Variants in CNTN6 observed in about 807,000 individuals in gnomAD.
The protein encoded by CNTN6 is contactin-6.
CNTN6 carries 137 observed loss-of-function variants against 122.8 expected under a neutral mutation model. The ratio of observed to expected loss-of-function variants is 1.12; its 90% CI spans 0.97 to 1.29. The LOEUF is 1.29. Among genes scored for constraint, CNTN6 ranks in the 50% most tolerant of loss-of-function variants. The pLI, the probability that CNTN6 is intolerant of heterozygous loss-of-function variation, is 0.00. For missense variants in CNTN6, 1,634 were observed against 1,223.4 expected, an observed-to-expected ratio of 1.34 and a Z score of -5.01; for synonymous variants, 570 against 426.0, an observed-to-expected ratio of 1.34 and a Z score of -4.16.
In CNTN6 at chr3:1,297,902, A is replaced by G. The variant is rs771624221; in HGVS notation, c.672A>G (p.Glu224=). The G allele has an allele frequency of 1.9e-6, 3 of 1,611,694 alleles. No homozygotes were observed. Among genetic ancestry groups the G allele is most frequent in the African/African-American group, 2.7e-5 (2 of 74,856 alleles). Residue 224 remains glutamate (E), a synonymous_variant, in exon 7 of 23, where the codon GAA becomes GAG. Transcript: ENST00000446702. ...GATATTTAACAGGTGTGATGGGGGA[A>G]TATGAACCAAAGATTGAAGTGCGTT... is the stretch of plus-strand genomic sequence containing the variant. ...LVQRTDGVMG[E]YEPKIEVRFP... is the part of the protein sequence containing the mutation.
At chr3:1,401,401 A>G (rs1486315592) in intron 20 of CNTN6, 32 bp from the exon 21 acceptor site, 2 of 1,554,232 alleles carry the variant, frequency 1.3e-6, no homozygotes, top group African/African-American at 1.4e-5. Flanking sequence ...GCTAATTAAC[A>G]TTCATTTGGA....
intron 1 of CNTN6, among the ~76,000 whole-genome samples, chr3:1,138,982 G>T (rs1425098928): frequency 6.6e-6 from 1 of 151,982 alleles, no homozygotes; most frequent in East Asian, 1.9e-4. Flanking sequence ...ATATTCAGTA[G>T]GATTGGGCTG....
rs766906812 is a variant in CNTN6, at chr3:1,383,212, C to T, written c.2401+36C>T. 2.3e-5 allele frequency: 36 copies of T among 1,593,674 alleles called. No homozygotes were observed. The Admixed American group carries it at 2.3e-4, about 10-fold the overall frequency. On this transcript the variant is annotated intron_variant, in intron 18 of 22. Coordinates refer to ENST00000446702, the MANE Select transcript of CNTN6 (RefSeq NM_001289080.2). ...CTCAACTCTGGTTTTCTTTGAGACT[C>T]TATGCATAGTTTGTGTTCCCTTGTT...
chr3:1,216,097 A>T (rs993983270), intron 2 of CNTN6, among the ~76,000 whole-genome samples: 2 of 151,984 alleles, frequency 1.3e-5, no homozygotes, highest in African/African-American at 4.8e-5. Context: ...TGGGCATGAC[A>T]TTATTAATTG....
chr3:1,220,909 T>A (rs537358157), intron 3 of CNTN6, 96 bp downstream of exon 3: 3 of 1,331,430 alleles, frequency 2.3e-6, no homozygotes, highest in African/African-American at 2.9e-5. Flanking sequence ...TCCTAATTTG[T>A]AGTGTACAGC....
intron 20 of CNTN6, among the ~76,000 whole-genome samples, chr3:1,390,721 G>T (rs938144357): frequency 6.6e-6 from 1 of 151,800 alleles, no homozygotes; most frequent in Non-Finnish European, 1.5e-5. Context: ...TGATAAAGGG[G>T]ATATCACCAC....
chr3:1,327,288 A>G (rs1158097103), intron 9 of CNTN6, among the ~76,000 whole-genome samples, 169 bp from the exon 10 acceptor site: 1 of 151,886 alleles, frequency 6.6e-6, no homozygotes, highest in Non-Finnish European at 1.5e-5. Context: ...TATCCTAAAC[A>G]TATTTTCGTT....
At chr3:1,137,172 C>T (rs887801288) in intron 1 of CNTN6, among the ~76,000 whole-genome samples, 21 of 152,098 alleles carry the variant, frequency 1.4e-4, no homozygotes, top group African/African-American at 5.1e-4. Context: ...CGATGCCTTC[C>T]AAGACTGGGC....
chr3:1,235,472 A>T (rs1575350901), intron 4 of CNTN6, among the ~76,000 whole-genome samples: 1 of 151,224 alleles, frequency 6.6e-6, no homozygotes, highest in Non-Finnish European at 1.5e-5. Flanking sequence ...ATACATATAA[A>T]GAGCATTTAT....
intron 5 of CNTN6, 150 bp downstream of exon 5, chr3:1,278,658 A>C (rs982350942): frequency 2.0e-6 from 1 of 491,818 alleles, no homozygotes; most frequent in Non-Finnish European, 3.6e-6. Flanking sequence ...AAATAGTTCT[A>C]TATCTAAACA....
At chr3:1,188,740 A>T (rs6442271) in intron 2 of CNTN6, among the ~76,000 whole-genome samples, 1 of 152,194 alleles carries the variant, frequency 6.6e-6, no homozygotes, top group Non-Finnish European at 1.5e-5. Flanking sequence ...ATAGGAAAAG[A>T]GAACTTGGCT....
chr3:1,169,489 T>G (rs2125286925), intron 2 of CNTN6, among the ~76,000 whole-genome samples: 1 of 152,338 alleles, frequency 6.6e-6, no homozygotes, highest in South Asian at 2.1e-4. Context: ...CAGATAATGA[T>G]GAGAATTATT....
chr3:1,255,428 AGAAAGAAAG>A (rs2094739832), intron 4 of CNTN6, among the ~76,000 whole-genome samples: 2 of 132,076 alleles, frequency 1.5e-5, no homozygotes, highest in African/African-American at 5.2e-5. Context: ...AAAAAAAAAA[AGAAAGAAAG>A]AAAGAAAGAA....
chr3:1,245,435 G>A (rs1317131417), intron 4 of CNTN6, among the ~76,000 whole-genome samples: 1 of 144,352 alleles, frequency 6.9e-6, no homozygotes, highest in Non-Finnish European at 1.5e-5. Context: ...AGTAACTCAG[G>A]AATGGAAAAT....
In CNTN6 at chr3:1,227,872, G is replaced by T; in HGVS notation, c.237G>T (p.Leu79Phe). Residue 79 changes from leucine to phenylalanine, a missense_variant, in exon 4 of 23, where the codon TTG becomes TTT. Coordinates refer to ENST00000446702, the MANE Select transcript of CNTN6 (RefSeq NM_001289080.2). ...IDFTMSYHYRLDGGSLAINSP... is the reference protein window; with the variant it reads ...IDFTMSYHYRFDGGSLAINSP... ...TTACTATGAGTTATCACTACAGGTT[G>T]GATGGAGGCAGTCTTGCAATCAATA... 1 of 1,613,960 alleles carries T rather than the reference G, an allele frequency of 6.2e-7. No homozygotes were observed. Among genetic ancestry groups the T allele is most frequent in the East Asian group, 2.2e-5 (1 of 44,844 alleles).
chr3:1,139,628 A>G (rs1459721996), intron 1 of CNTN6, among the ~76,000 whole-genome samples: 16 of 152,214 alleles, frequency 1.1e-4, no homozygotes, highest in Non-Finnish European at 1.9e-4. Context: ...AGTTTAATTG[A>G]ACAATGAACA....
intron 7 of CNTN6, among the ~76,000 whole-genome samples, chr3:1,316,402 AAG>A (rs1054373563): frequency 1.2e-4 from 18 of 151,538 alleles, no homozygotes; most frequent in African/African-American, 4.1e-4. Flanking sequence ...GAGCAGAAGG[AAG>A]AGAGAGAGAG....
At chr3:1,300,501 A>G (rs1559754347) in intron 7 of CNTN6, among the ~76,000 whole-genome samples, 76 of 146,812 alleles carry the variant, frequency 5.2e-4, no homozygotes, top group African/African-American at 1.9e-3. Flanking sequence ...GGAAAAAGAA[A>G]AGAAAGAGAA....
At chr3:1,334,307 G>A (rs530288767) in intron 11 of CNTN6, among the ~76,000 whole-genome samples, 16 of 152,068 alleles carry the variant, frequency 1.1e-4, no homozygotes, top group Admixed American at 2.6e-4. Context: ...TAGAAAACAC[G>A]GGTTGTGGTC....
Sources: gnomAD v4.1 joint callset for allele counts (sites outside exome capture counted in the v4.1 genomes callset) on GRCh38, gnomAD v4.1.1 for gene constraint, MANE v1.5 for transcripts, NCBI Gene and HGNC (gene_info 2026-07-23, HGNC 2026-07-21) for gene names.